The following PTPRT variants were observed in gnomAD, a reference collection of about 807,000 sequenced individuals.
The protein encoded by PTPRT is receptor-type tyrosine-protein phosphatase T.
Under a neutral mutation model 176.8 loss-of-function variants are expected in PTPRT, and 56 were observed. The observed-to-expected ratio is 0.32, with a 90% confidence interval of 0.26 to 0.40. The LOEUF is 0.40. Ranked by LOEUF, PTPRT falls within the 10% of genes least tolerant of loss-of-function variation. PTPRT has a pLI of 1.00. For missense variants in PTPRT, 1,540 were observed against 1,908.2 expected (o/e 0.81, Z 3.60); for synonymous variants, 783 against 739.0 (o/e 1.06, Z -0.96).
At chr20:42,116,343 G>C (rs1013159341) in intron 21 of PTPRT, among the ~76,000 whole-genome samples, 1 of 152,084 alleles carries the variant, frequency 6.6e-6, no homozygotes. Flanking sequence ...TAATCATCCT[G>C]CAGACTAGCA....
intron 1 of PTPRT, among the ~76,000 whole-genome samples, chr20:43,079,649 A>G (rs2011384396): frequency 6.6e-6 from 1 of 152,096 alleles, no homozygotes; most frequent in Admixed American, 6.5e-5. Context: ...GTGAATAAAC[A>G]TCTTCTATTA....
At chr20:42,772,437 T>G (rs1395548149) in intron 4 of PTPRT, among the ~76,000 whole-genome samples, 1 of 152,168 alleles carries the variant, frequency 6.6e-6, no homozygotes, top group African/African-American at 2.4e-5. Flanking sequence ...GAAAGGGTCT[T>G]TCAAATGAAA....
At chr20:42,882,303 T>C (rs1035069486) in intron 2 of PTPRT, among the ~76,000 whole-genome samples, 1 of 152,202 alleles carries the variant, frequency 6.6e-6, no homozygotes, top group Non-Finnish European at 1.5e-5. Context: ...GACAGAATAA[T>C]TTCAGTGATC....
chr20:42,901,154 C>G (rs377403056), intron 1 of PTPRT, among the ~76,000 whole-genome samples: 26 of 152,274 alleles, frequency 1.7e-4, no homozygotes, highest in African/African-American at 6.3e-4. Context: ...AGCTTGGGGT[C>G]TTTGCAGCCT....
chr20:42,122,749 A>C (rs1441747497), intron 19 of PTPRT, among the ~76,000 whole-genome samples: 17 of 152,110 alleles, frequency 1.1e-4, no homozygotes, highest in Admixed American at 1.1e-3. Flanking sequence ...TGAGTGTGTT[A>C]TTTCCCTGCT....
chr20:42,189,836 T>C (rs1185643251), intron 16 of PTPRT, among the ~76,000 whole-genome samples: 1 of 152,230 alleles, frequency 6.6e-6, no homozygotes, highest in Non-Finnish European at 1.5e-5. Context: ...AAGGTAATTT[T>C]TAGTTTTAGT....
intron 7 of PTPRT, among the ~76,000 whole-genome samples, chr20:42,568,527 G>A (rs1036524105): frequency 1.3e-5 from 2 of 152,120 alleles, no homozygotes; most frequent in African/African-American, 2.4e-5. Context: ...ATGATTGATC[G>A]CCAGGCTGTG....
At chr20:42,349,497 C>T (rs1172179677) in intron 11 of PTPRT, among the ~76,000 whole-genome samples, 1 of 152,174 alleles carries the variant, frequency 6.6e-6, no homozygotes, top group Non-Finnish European at 1.5e-5. Flanking sequence ...TCTGTCTCCC[C>T]AACTAGAGTT....
At chr20:42,109,781 G>A (rs7347140) in intron 23 of PTPRT, among the ~76,000 whole-genome samples, 1,657 of 152,304 alleles carry the variant, frequency 0.011, 29 homozygotes, top group African/African-American at 0.037. Context: ...TAAAATGCAC[G>A]TGACAGACCC....
rs1377089777 is a variant in PTPRT at position 42,199,327 on chromosome 20, C to G, written c.2404G>C (p.Ala802Pro). The change falls in exon 16 of 31, where the codon GCC becomes CCC. Residue 802 changes from alanine (A) to proline (P), a missense_variant. Ala to Pro is a conservative substitution (Grantham distance 27). This residue lies in a region of PTPRT where 255 missense variants were observed against 250.1 expected (regional missense o/e 1.02). Coordinates refer to ENST00000373187, the MANE Select transcript of PTPRT (RefSeq NM_007050.6). ...SGAQREMGPVASADKPTTKLS... is the reference protein window; with the variant it reads ...SGAQREMGPVPSADKPTTKLS... Reference sequence around the variant, plus strand: ...TTGGTGGTGGGTTTGTCGGCAGAGGCCACAGGCCCCATCTCCCTCTGGGCT... The same window carrying G: ...TTGGTGGTGGGTTTGTCGGCAGAGGGCACAGGCCCCATCTCCCTCTGGGCT... 6.2e-7 allele frequency: 1 copy of G among 1,614,158 alleles called. No homozygotes were observed. Among genetic ancestry groups the G allele is most frequent in the African/African-American group, 1.3e-5 (1 of 75,044 alleles).
intron 7 of PTPRT, among the ~76,000 whole-genome samples, chr20:42,528,121 T>C (rs1438912349): frequency 6.6e-6 from 1 of 152,198 alleles, no homozygotes; most frequent in Non-Finnish European, 1.5e-5. Flanking sequence ...TTATTGTTCC[T>C]GGAACATGTT....
downstream of PTPRT, among the ~76,000 whole-genome samples, chr20:42,071,790 G>A (rs1175283012): frequency 6.6e-6 from 1 of 152,132 alleles, no homozygotes; most frequent in East Asian, 1.9e-4. Flanking sequence ...CTGAGTAACT[G>A]GGACTACAGG....
intron 2 of PTPRT, among the ~76,000 whole-genome samples, chr20:42,869,780 T>A (rs1020280469): frequency 6.6e-6 from 1 of 152,182 alleles, no homozygotes; most frequent in African/African-American, 2.4e-5. Flanking sequence ...ACGCTGTGGC[T>A]TAAGTGCAGG....
chr20:42,150,271 TC>T (rs5841450), intron 17 of PTPRT, among the ~76,000 whole-genome samples: 20,351 of 152,158 alleles, frequency 0.13, 3,487 homozygotes, highest in African/African-American at 0.4. Context: ...CCCATTTACC[TC>T]CTATCCTCAG....
At chr20:42,316,999 T>C (rs1573707) in intron 11 of PTPRT, among the ~76,000 whole-genome samples, 88,932 of 152,072 alleles carry the variant, frequency 0.58, 27,878 homozygotes, top group African/African-American at 0.83. Flanking sequence ...TAGGCATTGT[T>C]GCTTACTTAT....
intron 6 of PTPRT, among the ~76,000 whole-genome samples, chr20:42,708,568 G>A (rs2076095977): frequency 6.6e-6 from 1 of 152,140 alleles, no homozygotes; most frequent in South Asian, 2.1e-4. Flanking sequence ...TAAAATTGCA[G>A]CTTGTGTTAA....
intron 17 of PTPRT, among the ~76,000 whole-genome samples, chr20:42,156,782 A>T (rs568312796): frequency 6.6e-6 from 1 of 152,034 alleles, no homozygotes; most frequent in African/African-American, 2.4e-5. Context: ...TCAGAATCCA[A>T]CCACATCTCA....
intron 1 of PTPRT, among the ~76,000 whole-genome samples, chr20:43,125,603 G>A (rs1410799865): frequency 1.3e-5 from 2 of 152,186 alleles, no homozygotes; most frequent in African/African-American, 4.8e-5. Context: ...TGTGATAAAT[G>A]CTAGCATTAT....
chr20:42,486,955 TG>T, intron 7 of PTPRT, among the ~76,000 whole-genome samples: 1 of 151,982 alleles, frequency 6.6e-6, no homozygotes, highest in Non-Finnish European at 1.5e-5. Context: ...TTGGAAAGGG[TG>T]GGAGTAGCAG....
Sources: allele counts gnomAD v4.1 joint callset (sites outside exome capture counted in the v4.1 genomes callset), GRCh38; gene constraint gnomAD v4.1.1; regional missense constraint gnomAD v4.1.1; transcripts MANE v1.5; gene names NCBI Gene and HGNC (gene_info 2026-07-23, HGNC 2026-07-21).